Variants in ADCY10 observed in about 807,000 individuals in gnomAD.
The protein encoded by ADCY10 is adenylate cyclase 10.
Under a neutral mutation model 183.3 loss-of-function variants are expected in ADCY10, and 156 were observed. The observed-to-expected ratio is 0.85, with a 90% CI of 0.75 to 0.97. The LOEUF is 0.97. Ranked by LOEUF, ADCY10 falls within the 50% of genes least tolerant of loss-of-function variation. The probability of loss-of-function intolerance (pLI) is 0.00; values close to 1 mark genes in which losing one functional copy is unlikely to be tolerated. For missense variants in ADCY10, 1,745 were observed against 1,934.3 expected, an observed-to-expected ratio of 0.90 and a Z score of 1.84; for synonymous variants, 645 against 670.0, an observed-to-expected ratio of 0.96 and a Z score of 0.58.
At chr1:167,912,638 C>G (rs1394195046) in intron 1 of ADCY10, among the ~76,000 whole-genome samples, 1 of 152,230 alleles carries the variant, frequency 6.6e-6, no homozygotes, top group Admixed American at 6.5e-5. Flanking sequence ...TGGAGCCCCC[C>G]TCCCTCTGTC....
intron 3 of ADCY10, among the ~76,000 whole-genome samples, chr1:167,902,953 C>A (rs564227401): frequency 6.6e-6 from 1 of 152,284 alleles, no homozygotes; most frequent in Non-Finnish European, 1.5e-5. Context: ...TAGATGCTGG[C>A]TTTTAAAAAT....
At chr1:167,907,944 C>A (rs991593925) in intron 1 of ADCY10, among the ~76,000 whole-genome samples, 1 of 151,960 alleles carries the variant, frequency 6.6e-6, no homozygotes, top group African/African-American at 2.4e-5. Flanking sequence ...TCCATGGGCA[C>A]GATAGAAGAC....
At position 167,875,177 on chromosome 1, in the gene ADCY10, A is replaced by G; in HGVS notation, c.1416T>C (p.Gly472=). ...YWGRTEKVMF[G]MACLICNRKE... is the part of the protein sequence containing the mutation. Reference sequence around the variant, plus strand: ...TTCTGTTGCAGATGAGGCACGCCATACCAAACATGCTGAAGAGAAGAACAA... The same window carrying G: ...TTCTGTTGCAGATGAGGCACGCCATGCCAAACATGCTGAAGAGAAGAACAA... The change falls in exon 13 of 33, where the codon GGT becomes GGC. Residue 472 remains glycine, a synonymous_variant. Coordinates refer to ENST00000367851, the MANE Select transcript of ADCY10 (RefSeq NM_018417.6). The G allele has an allele frequency of 6.2e-7, 1 of 1,614,180 alleles. No homozygotes were observed. The highest frequency in any genetic ancestry group is 8.5e-7 in the Non-Finnish European group (1 of 1,179,996).
intron 31 of ADCY10, among the ~76,000 whole-genome samples, chr1:167,813,498 C>T (rs1344531609): frequency 6.6e-6 from 1 of 151,464 alleles, no homozygotes; most frequent in East Asian, 1.9e-4. Context: ...CAAAAAATGC[C>T]CACGCCTTAA....
chr1:167,904,669 A>G (rs1003440335), intron 2 of ADCY10: 4 of 589,130 alleles, frequency 6.8e-6, no homozygotes, highest in African/African-American at 1.9e-5. Context: ...TCATTTCCTG[A>G]GGTCAATTTT....
At chr1:167,872,270 G>A (rs1386718629) in intron 13 of ADCY10, among the ~76,000 whole-genome samples, 2 of 151,896 alleles carry the variant, frequency 1.3e-5, no homozygotes, top group African/African-American at 4.8e-5. Context: ...CCTGGGAGGC[G>A]GAGGTTACAG....
chr1:167,833,924 C>A (rs1215082787), intron 24 of ADCY10, 46 bp downstream of exon 24: 10 of 1,442,026 alleles, frequency 6.9e-6, no homozygotes, highest in Non-Finnish European at 9.7e-6. Flanking sequence ...TATGGAAAGG[C>A]CTAAGATATA....
At chr1:167,878,986 G>A (rs1667686841) in intron 11 of ADCY10, among the ~76,000 whole-genome samples, 1 of 152,206 alleles carries the variant, frequency 6.6e-6, no homozygotes. Context: ...AGGTGGACAA[G>A]CACATGCTTG....
chr1:167,833,622 G>T (rs551249361), intron 24 of ADCY10, among the ~76,000 whole-genome samples: 1 of 151,890 alleles, frequency 6.6e-6, no homozygotes, highest in African/African-American at 2.4e-5. Context: ...GCGCATGCCT[G>T]TAATCCCAGC....
At chr1:167,860,650 C>A (rs992320886) in intron 15 of ADCY10, among the ~76,000 whole-genome samples, 1 of 152,170 alleles carries the variant, frequency 6.6e-6, no homozygotes, top group Non-Finnish European at 1.5e-5. Context: ...AAAAATTAGT[C>A]AGCAGATGGC....
intron 11 of ADCY10, 29 bp from the exon 12 acceptor site, chr1:167,878,664 C>A: frequency 1.2e-6 from 2 of 1,605,316 alleles, no homozygotes; most frequent in South Asian, 2.2e-5. Context: ...AGTCAAAGAT[C>A]AGGGAAATAA....
At chr1:167,854,097 C>T (rs561383380) in intron 18 of ADCY10, among the ~76,000 whole-genome samples, 37 of 152,084 alleles carry the variant, frequency 2.4e-4, no homozygotes, top group African/African-American at 6.0e-4. Flanking sequence ...CCTCGGGCTC[C>T]GAAAGTGCTG....
intron 23 of ADCY10, 39 bp downstream of exon 23, chr1:167,836,270 G>T: frequency 1.5e-6 from 2 of 1,363,462 alleles, no homozygotes; most frequent in Non-Finnish European, 2.1e-6. Flanking sequence ...TCTATGAATT[G>T]TCTCTAGGGT....
At chr1:167,875,990 C>T (rs546198614) in intron 12 of ADCY10, among the ~76,000 whole-genome samples, 1 of 152,192 alleles carries the variant, frequency 6.6e-6, no homozygotes, top group African/African-American at 2.4e-5. Flanking sequence ...GGCACGGTGG[C>T]TCATGCTTGT....
At chr1:167,879,025 C>T (rs965530568) in intron 11 of ADCY10, among the ~76,000 whole-genome samples, 1 of 152,166 alleles carries the variant, frequency 6.6e-6, no homozygotes, top group Non-Finnish European at 1.5e-5. Context: ...CCATATGAGA[C>T]ATAAAATTGT....
rs538472165 is a variant in ADCY10, at chr1:167,890,095, C to T, written c.828+3758G>A. Among the ~76,000 whole-genome samples the T allele has an allele frequency of 9.2e-5, 14 of 152,244 alleles. No individual in the cohort carries two copies. The East Asian group carries it at 2.7e-3, about 29-fold the overall frequency. On this transcript the variant is annotated intron_variant, in intron 8 of 32. Transcript: ENST00000367851. ...GTTCCTTTGGTGAGGTCATGTTTTC[C>T]TGGATGGTCTTGATACTTGTGGAAG...
In ADCY10 at chr1:167,856,343, G is replaced by A; in HGVS notation, c.1993C>T (p.Pro665Ser). The change falls in exon 17 of 33, where the codon CCT (proline) becomes TCT (serine). Residue 665 changes from proline to serine, a missense_variant. Transcript: ENST00000367851. ...CACAGGGACATAATGATGAAGATAG[G>A]AAGAGTCCGGATAAGCTTCTCCATA... ...RFMEKLIRTL[P>S]IFIIMSLCPF... 1 of 1,614,020 alleles carries A rather than the reference G, an allele frequency of 6.2e-7. No individual in the cohort carries two copies. Among genetic ancestry groups the A allele is most frequent in the Non-Finnish European group, 8.5e-7 (1 of 1,179,948 alleles).
At chr1:167,845,530 C>T (rs750856533) in intron 21 of ADCY10, 33 bp downstream of exon 21, 4 of 1,609,766 alleles carry the variant, frequency 2.5e-6, no homozygotes, top group Non-Finnish European at 3.4e-6. Context: ...TTCCCAAGAA[C>T]AGTTAGGATA....
At position 167,859,878 on chromosome 1, in the gene ADCY10, C is replaced by T. The variant is rs769982899; in HGVS notation, c.1825G>A (p.Glu609Lys). The change falls in exon 16 of 33, where the codon GAG (glutamate) becomes AAG (lysine). Residue 609 changes from glutamate (E) to lysine (K), a missense_variant. Coordinates refer to ENST00000367851, the MANE Select transcript of ADCY10 (RefSeq NM_018417.6). ...TTCAAGGTGCTCATCCTGGAAATCT[C>T]CCGAGAAATAGGGAACTGTACAAAG... ...IFHVQFPISR[E>K]ISRMSTLKKQ... 2 of 1,611,468 alleles carry T rather than the reference C, an allele frequency of 1.2e-6. No individual in the cohort carries two copies.
Sources: allele counts gnomAD v4.1 joint callset (sites outside exome capture counted in the v4.1 genomes callset), GRCh38; gene constraint gnomAD v4.1.1; transcripts MANE v1.5; gene names NCBI Gene and HGNC (gene_info 2026-07-23, HGNC 2026-07-21).